KLHL1: variants seen among roughly 807,000 people sequenced by gnomAD.
KLHL1 encodes kelch-like protein 1.
KLHL1 carries 47 observed loss-of-function variants against 77.7 expected under a neutral mutation model. The ratio of observed to expected loss-of-function variants is 0.60; its 90% CI spans 0.48 to 0.77. The LOEUF (loss-of-function observed/expected upper bound fraction) is 0.77. KLHL1 is among the 30% of genes least tolerant of loss of function. The pLI is 0.00. For synonymous variants in KLHL1, 360 were observed against 325.2 expected, an observed-to-expected ratio of 1.11 and a Z score of -1.15; for missense variants, 925 against 910.8, an observed-to-expected ratio of 1.02 and a Z score of -0.20.
rs953835878 is a variant in KLHL1 at position 69,700,736 on chromosome 13, G to A, written c.*966C>T. 2 of 152,358 alleles carry A rather than the reference G, an allele frequency of 1.3e-5. 1 individual carries two copies. Among genetic ancestry groups the A allele is most frequent in the Non-Finnish European group, 2.9e-5 (2 of 67,866 alleles). The allele number at this position is 152,358 out of a possible 1,614,324, so 9.4% of individuals were successfully genotyped here. On this transcript the variant is annotated 3_prime_UTR_variant, in exon 11 of 11. Transcript: ENST00000377844. ...AATAATGTACAGATCAATGTAACAA[G>A]TTTGAAAAATGGGCGATGAGAATAT...
At chr13:70,019,124 G>A (rs142407863) in intron 1 of KLHL1, among the ~76,000 whole-genome samples, 2 of 139,006 alleles carry the variant, frequency 1.4e-5, no homozygotes, top group African/African-American at 5.3e-5. Flanking sequence ...ATTCTTTCAA[G>A]GCTCTTAAAC....
At chr13:69,819,659 C>T (rs917678313) in intron 6 of KLHL1, among the ~76,000 whole-genome samples, 1 of 151,950 alleles carries the variant, frequency 6.6e-6, no homozygotes, top group African/African-American at 2.4e-5. Context: ...TTTTAATTCT[C>T]CTTCACTTGT....
At chr13:69,950,491 C>T (rs1329985453) in intron 3 of KLHL1, among the ~76,000 whole-genome samples, 2 of 151,428 alleles carry the variant, frequency 1.3e-5, no homozygotes, top group Admixed American at 6.6e-5. Context: ...AGATTTTTTC[C>T]ACTCTCACTA....
intron 4 of KLHL1, among the ~76,000 whole-genome samples, chr13:69,883,785 C>A (rs1304202024): frequency 6.6e-6 from 1 of 152,110 alleles, no homozygotes; most frequent in African/African-American, 2.4e-5. Flanking sequence ...TTGTCAAAAA[C>A]TTTCTTACAT....
rs563498965 is a variant in KLHL1 at position 69,846,322 on chromosome 13, C to T, written c.1228-7160G>A. ...CTTTGTGATTAAATAATAACTGATG[C>T]GTTATAGGGTAACCCAGTAGCTTCA... On this transcript the variant is annotated intron_variant, in intron 5 of 10. Transcript: ENST00000377844. Among the ~76,000 whole-genome samples the T allele has an allele frequency of 1.3e-4, 20 of 151,536 alleles. No individual in the cohort carries two copies. The East Asian group carries it at 1.9e-3, about 15-fold the overall frequency.
intron 1 of KLHL1, among the ~76,000 whole-genome samples, chr13:70,054,267 C>T (rs1335348433): frequency 3.3e-5 from 5 of 151,868 alleles, no homozygotes; most frequent in Non-Finnish European, 7.4e-5. Context: ...AAATATCTAT[C>T]TTGGTAAACT....
At chr13:70,031,820 A>C (rs2137366811) in intron 1 of KLHL1, among the ~76,000 whole-genome samples, 1 of 152,318 alleles carries the variant, frequency 6.6e-6, no homozygotes, top group South Asian at 2.1e-4. Context: ...AATATAAAAC[A>C]AATTAATAAT....
chr13:69,807,194 A>G (rs528125625), intron 6 of KLHL1, among the ~76,000 whole-genome samples: 7 of 152,236 alleles, frequency 4.6e-5, no homozygotes, highest in Admixed American at 4.6e-4. Flanking sequence ...TGTGAGATCC[A>G]GTTGTAATTG....
intron 1 of KLHL1, among the ~76,000 whole-genome samples, chr13:70,004,301 C>A (rs1309163539): frequency 2.0e-5 from 3 of 151,740 alleles, no homozygotes; most frequent in Admixed American, 6.6e-5. Context: ...ATAAAGACCC[C>A]CATGACACAT....
chr13:69,885,900 A>T (rs910697073), intron 4 of KLHL1, among the ~76,000 whole-genome samples: 1 of 152,222 alleles, frequency 6.6e-6, no homozygotes, highest in South Asian at 2.1e-4. Flanking sequence ...AATATTAGAA[A>T]GGAGTTTAAA....
At chr13:69,834,448 AATT>A (rs1238130715) in intron 6 of KLHL1, among the ~76,000 whole-genome samples, 3 of 152,000 alleles carry the variant, frequency 2.0e-5, no homozygotes, top group Admixed American at 1.3e-4. Flanking sequence ...GCAGTCTTCT[AATT>A]ACACTTGGCT....
intron 6 of KLHL1, among the ~76,000 whole-genome samples, chr13:69,815,268 G>A (rs1416745872): frequency 6.6e-6 from 1 of 152,146 alleles, no homozygotes; most frequent in East Asian, 1.9e-4. Flanking sequence ...GTTTACTGCA[G>A]CACTATTCGC....
At position 69,764,929 on chromosome 13, in the gene KLHL1, C is replaced by CTTTTTTTTTTT. The variant is rs71196263; in HGVS notation, c.1640-24384_1640-24374dup. Among the ~76,000 whole-genome samples the CTTTTTTTTTTT allele has an allele frequency of 1.9e-3, 76 of 39,720 alleles. 29 individuals carry two copies. The highest frequency in any genetic ancestry group is 2.5e-3 in the Non-Finnish European group (57 of 22,404). The allele number at this position is 39,720 out of a possible 152,430, so 26.1% of individuals were successfully genotyped here. A position where few individuals can be genotyped will look rare whatever the true frequency, so the allele number is the denominator to read the frequency against. ...TCTCATGCTTTCATGTATATCTTTG[C>CTTTTTTTTTTT]TTTTTTTTTTTTTTTTTTTTTTTTT... On this transcript the variant is annotated intron_variant, in intron 7 of 10. Coordinates refer to ENST00000377844, the MANE Select transcript of KLHL1 (RefSeq NM_020866.3).
chr13:70,025,811 C>T (rs907729648), intron 1 of KLHL1, among the ~76,000 whole-genome samples: 1 of 151,628 alleles, frequency 6.6e-6, no homozygotes, highest in South Asian at 2.1e-4. Flanking sequence ...AATAAATTGC[C>T]CTACATACGT....
At chr13:69,802,210 G>A (rs1401126361) in intron 6 of KLHL1, among the ~76,000 whole-genome samples, 2 of 152,082 alleles carry the variant, frequency 1.3e-5, no homozygotes, top group Non-Finnish European at 2.9e-5. Context: ...TCTTTTTTAT[G>A]GCTGCATAGT....
intron 8 of KLHL1, among the ~76,000 whole-genome samples, chr13:69,734,088 G>A (rs1231618027): frequency 1.3e-5 from 2 of 151,946 alleles, no homozygotes; most frequent in African/African-American, 4.8e-5. Context: ...GCCTGGTGGG[G>A]GTAATTGGGT....
intron 5 of KLHL1, among the ~76,000 whole-genome samples, chr13:69,855,096 G>C (rs1032483869): frequency 2.6e-5 from 4 of 151,892 alleles, no homozygotes; most frequent in Admixed American, 6.6e-5. Flanking sequence ...AATTATAGCA[G>C]AGCGTATTAG....
At chr13:69,872,025 TAA>T (rs1314546623) in intron 5 of KLHL1, among the ~76,000 whole-genome samples, 1 of 152,192 alleles carries the variant, frequency 6.6e-6, no homozygotes, top group African/African-American at 2.4e-5. Context: ...ATTTTCTGCC[TAA>T]GTCTGTTTTG....
At chr13:69,779,794 TTTTA>T (rs1277549511) in intron 7 of KLHL1, among the ~76,000 whole-genome samples, 1 of 151,440 alleles carries the variant, frequency 6.6e-6, no homozygotes, top group East Asian at 1.9e-4. Context: ...AAAATTTATT[TTTTA>T]TTTATTTTAT....
Sources: allele counts gnomAD v4.1 joint callset (sites outside exome capture counted in the v4.1 genomes callset), GRCh38; gene constraint gnomAD v4.1.1; transcripts MANE v1.5; gene names NCBI Gene and HGNC (gene_info 2026-07-23, HGNC 2026-07-21).